Variants in SLK observed in about 807,000 individuals in gnomAD.
The protein encoded by SLK is STE20 like kinase, also known as STE20-like serine/threonine-protein kinase.
In SLK, 67 loss-of-function variants were observed where a neutral mutation model predicts 147.7. That is an observed-to-expected ratio of 0.45 (90% CI 0.37 to 0.56). The LOEUF (loss-of-function observed/expected upper bound fraction) is 0.56, where lower values mean the gene tolerates loss of function less well. Among genes scored for constraint, SLK ranks in the 20% least tolerant of loss-of-function variants. The pLI, the probability that SLK is intolerant of heterozygous loss-of-function variation, is 0.00. For missense variants in SLK, 1,136 were observed against 1,438.8 expected, an observed-to-expected ratio of 0.79 and a Z score of 3.41; for synonymous variants, 441 against 475.0, an observed-to-expected ratio of 0.93 and a Z score of 0.93.
In SLK at chr10:103,967,650, C is replaced by G; in HGVS notation, c.-96C>G. 1 of 1,164,198 alleles carries G rather than the reference C, an allele frequency of 8.6e-7. No homozygotes were observed. The highest frequency in any genetic ancestry group is 2.2e-5 in the South Asian group (1 of 45,852). 72.1% of individuals were successfully genotyped at this position (1,164,198 alleles called of 1,614,324 possible). A position where few individuals can be genotyped will look rare whatever the true frequency, so the allele number is the denominator to read the frequency against. Reference sequence around the variant, plus strand: ...GGCCGAGGGACGCCGCGCCCGCCGCCGCCAGCCGGGCTCGCGCGGGAGAGC... The same window carrying G: ...GGCCGAGGGACGCCGCGCCCGCCGCGGCCAGCCGGGCTCGCGCGGGAGAGC... On this transcript the variant is annotated 5_prime_UTR_variant, in exon 1 of 19. Transcript: ENST00000369755.
chr10:104,003,423 G>T lies in SLK; in HGVS notation c.2245G>T (p.Asp749Tyr). 6.2e-7 allele frequency: 1 copy of T among 1,613,964 alleles called. No homozygotes were observed. The change falls in exon 9 of 19, where the codon GAT becomes TAT. Residue 749 changes from aspartate to tyrosine, a missense_variant. By Grantham distance (160) the Asp-to-Tyr change is radical. Transcript: ENST00000369755. ...TGAGAATCCAAAGGAAAATGATAAT[G>T]ATTCAGGCACTGGTTCCACTGCTGA... is the stretch of plus-strand genomic sequence containing the variant. Reference protein sequence around the residue: ...ESENPKENDNDSGTGSTADTS... With the variant: ...ESENPKENDNYSGTGSTADTS...
At chr10:103,992,710 C>T (rs979460455) in intron 3 of SLK, 64 bp downstream of exon 3, 1 of 1,402,168 alleles carries the variant, frequency 7.1e-7, no homozygotes, top group Middle Eastern at 2.4e-4. Flanking sequence ...GAAAGAATTT[C>T]AACCATATAT....
chr10:104,010,597 A>G (rs1240652764), intron 12 of SLK, among the ~76,000 whole-genome samples: 1 of 152,246 alleles, frequency 6.6e-6, no homozygotes, highest in Non-Finnish European at 1.5e-5. Context: ...TTATTAAGCA[A>G]CTAATTAACC....
At chr10:103,994,759 C>T (rs1317898729) in intron 4 of SLK, among the ~76,000 whole-genome samples, 1 of 152,142 alleles carries the variant, frequency 6.6e-6, no homozygotes, top group Non-Finnish European at 1.5e-5. Flanking sequence ...ATCCATGGAA[C>T]CTGGGCTGTT....
chr10:103,999,381 T>G, intron 6 of SLK, 68 bp downstream of exon 6: 2 of 1,161,620 alleles, frequency 1.7e-6, no homozygotes, highest in Non-Finnish European at 2.4e-6. Flanking sequence ...TGATGTTATA[T>G]TCTCACAATT....
chr10:104,008,445 A>G, intron 12 of SLK, 89 bp downstream of exon 12: 1 of 852,466 alleles, frequency 1.2e-6, no homozygotes, highest in Non-Finnish European at 1.8e-6. Flanking sequence ...AATACTAATA[A>G]TACTTGAGAG....
chr10:104,024,729 G>T (rs948299940), intron 18 of SLK, among the ~76,000 whole-genome samples: 1 of 152,104 alleles, frequency 6.6e-6, no homozygotes, highest in Non-Finnish European at 1.5e-5. Flanking sequence ...TCTCCACAAA[G>T]TCATTGATAC....
In SLK at chr10:104,003,212, G is replaced by C; in HGVS notation, c.2034G>C (p.Gln678His). 6.2e-7 allele frequency: 1 copy of C among 1,612,554 alleles called. No individual in the cohort carries two copies. Among genetic ancestry groups the C allele is most frequent in the Non-Finnish European group, 8.5e-7 (1 of 1,179,574 alleles). The change falls in exon 9 of 19, where the codon CAG becomes CAC. Residue 678 changes from glutamine to histidine, a missense_variant. Gln to His is a conservative substitution (Grantham distance 24). Coordinates refer to ENST00000369755, the MANE Select transcript of SLK (RefSeq NM_014720.4). Reference sequence around the variant, plus strand: ...AGGATGCTTCTAAAGTCACTACTCAGATAGATAAAGAGAAAAAAGAAATTC... The same window carrying C: ...AGGATGCTTCTAAAGTCACTACTCACATAGATAAAGAGAAAAAAGAAATTC... ...EVQDASKVTT[Q>H]IDKEKKEIPV...
chr10:103,983,572 C>T (rs1843973704), intron 1 of SLK, among the ~76,000 whole-genome samples: 1 of 152,114 alleles, frequency 6.6e-6, no homozygotes, highest in African/African-American at 2.4e-5. Flanking sequence ...TAGAGGGAGG[C>T]TGCAAGGAGA....
chr10:103,991,160 C>A (rs1231109576), intron 2 of SLK, among the ~76,000 whole-genome samples: 1 of 152,014 alleles, frequency 6.6e-6, no homozygotes, highest in Non-Finnish European at 1.5e-5. Flanking sequence ...TAAATTTAAT[C>A]ATTTAAAAGT....
Position 104,002,870 on chromosome 10 carries a change from C to T in SLK, c.1692C>T (p.Asp564=). 1 of 1,613,962 alleles carries T rather than the reference C, an allele frequency of 6.2e-7. No homozygotes were observed. Among genetic ancestry groups the T allele is most frequent in the Non-Finnish European group, 8.5e-7 (1 of 1,179,972 alleles). ...AADVAQKVDE[D]SAEDTQSNDG... ...ATGTGGCTCAGAAAGTGGATGAAGA[C>T]AGTGCTGAGGATACGCAGAGTAATG... Residue 564 remains aspartate, a synonymous_variant, in exon 9 of 19, where the codon GAC becomes GAT. Transcript: ENST00000369755.
At chr10:103,992,469 A>G in intron 2 of SLK, 129 bp from the exon 3 acceptor site, 1 of 800,728 alleles carries the variant, frequency 1.2e-6, no homozygotes, top group Non-Finnish European at 1.9e-6. Context: ...CGTTTAGTAT[A>G]TCGTTTCCAT....
rs754184873 is a variant in SLK at position 103,993,151 on chromosome 10, A to G, written c.514+18A>G. The stretch of plus-strand genomic sequence containing the variant: ...CAAATTGGGTAAGTTATTCACTTAA[A>G]TAAAACATTAGAATTTTTACTCTGA... On this transcript the variant is annotated intron_variant, in intron 4 of 18. Coordinates refer to ENST00000369755, the MANE Select transcript of SLK (RefSeq NM_014720.4). The G allele has an allele frequency of 6.4e-7, 1 of 1,558,600 alleles. No homozygotes were observed. Among genetic ancestry groups the G allele is most frequent in the Non-Finnish European group, 8.7e-7 (1 of 1,143,738 alleles).
intron 1 of SLK, among the ~76,000 whole-genome samples, chr10:103,988,014 T>C (rs1327497794): frequency 4.6e-5 from 7 of 152,004 alleles, no homozygotes; most frequent in Admixed American, 4.6e-4. Flanking sequence ...CAAAAGAAAA[T>C]GAAGTCATAG....
intron 13 of SLK, among the ~76,000 whole-genome samples, chr10:104,014,823 T>TA (rs1335617546): frequency 1.3e-5 from 2 of 152,202 alleles, no homozygotes; most frequent in African/African-American, 2.4e-5. Context: ...GTGTTTACTT[T>TA]AAAAAATGAT....
chr10:103,972,671 C>A (rs1462314258), intron 1 of SLK, among the ~76,000 whole-genome samples: 75 of 144,416 alleles, frequency 5.2e-4, no homozygotes, highest in Admixed American at 7.6e-4. Flanking sequence ...GACTCCGTCT[C>A]AAAAAAAAAA....
At chr10:103,984,193 A>C (rs185028372) in intron 1 of SLK, among the ~76,000 whole-genome samples, 1 of 152,306 alleles carries the variant, frequency 6.6e-6, no homozygotes, top group East Asian at 1.9e-4. Flanking sequence ...CACGATGGAT[A>C]TTACTATATA....
At chr10:103,988,533 C>G (rs1476897412) in intron 1 of SLK, among the ~76,000 whole-genome samples, 1 of 152,154 alleles carries the variant, frequency 6.6e-6, no homozygotes, top group Non-Finnish European at 1.5e-5. Context: ...TTTGCAACCT[C>G]CGGCATAAAT....
At chr10:103,997,925 C>T (rs1356817805) in intron 4 of SLK, among the ~76,000 whole-genome samples, 1 of 151,972 alleles carries the variant, frequency 6.6e-6, no homozygotes, top group African/African-American at 2.4e-5. Flanking sequence ...TGTACCTTAT[C>T]AATATACTGA....
Sources: allele counts gnomAD v4.1 joint callset (sites outside exome capture counted in the v4.1 genomes callset), GRCh38; gene constraint gnomAD v4.1.1; transcripts MANE v1.5; gene names NCBI Gene and HGNC (gene_info 2026-07-23, HGNC 2026-07-21).